Variants in NOL4 observed in about 807,000 individuals in gnomAD.
NOL4 encodes the protein nucleolar protein 4, also known as cancer/testis antigen 125.
Under a neutral mutation model 75.9 loss-of-function variants are expected in NOL4, and 17 were observed. The ratio of observed to expected loss-of-function variants is 0.22; its 90% CI spans 0.15 to 0.34. The LOEUF (loss-of-function observed/expected upper bound fraction) is 0.34, where lower values mean the gene tolerates loss of function less well. Among genes scored for constraint, NOL4 ranks in the 10% least tolerant of loss-of-function variants. NOL4 has a pLI of 1.00. For synonymous variants in NOL4, 292 were observed against 289.9 expected (o/e 1.01, Z -0.07); for missense variants, 614 against 793.5 (o/e 0.77, Z 2.72).
rs142587161 is a variant in NOL4, at chr18:34,180,113, A to T, written c.264+42877T>A. ...GTCTTCCAAAAATTAGAAGAGGGAG[A>T]GGAAACACTTACCAATGCATTCTAT... On this transcript the variant is annotated intron_variant, in intron 1 of 10. Transcript: ENST00000261592. Among the ~76,000 whole-genome samples, 43 of 151,742 alleles carry T rather than the reference A, an allele frequency of 2.8e-4. No individual in the cohort carries two copies. The East Asian group carries it at 7.7e-3, about 27-fold the overall frequency.
intron 1 of NOL4, among the ~76,000 whole-genome samples, chr18:34,133,091 A>G (rs138699077): frequency 0.04 from 6,062 of 151,866 alleles, 132 homozygotes; most frequent in African/African-American, 0.054. Context: ...TGACCAACAT[A>G]GAGAAACTCC....
At chr18:34,149,348 A>T (rs2146073180) in intron 1 of NOL4, among the ~76,000 whole-genome samples, 1 of 151,790 alleles carries the variant, frequency 6.6e-6, no homozygotes, top group East Asian at 1.9e-4. Context: ...GATAAGGGTC[A>T]ATCTTGTGAA....
chr18:34,035,517 GA>G (rs1380948482), intron 5 of NOL4, among the ~76,000 whole-genome samples: 1 of 151,704 alleles, frequency 6.6e-6, no homozygotes, highest in Non-Finnish European at 1.5e-5. Flanking sequence ...AAAGTAGAAA[GA>G]TTTCAAATAA....
chr18:33,892,551 A>G (rs1318427610), intron 9 of NOL4, among the ~76,000 whole-genome samples: 1 of 152,170 alleles, frequency 6.6e-6, no homozygotes, highest in African/African-American at 2.4e-5. Context: ...TCACAAGAAG[A>G]TAATATTAAA....
chr18:34,221,498 A>G (rs2037296619), intron 1 of NOL4: 1 of 152,176 alleles, frequency 6.6e-6, no homozygotes, highest in Non-Finnish European at 1.5e-5. Context: ...TTATTTAGGA[A>G]AGCCAGACAA....
At chr18:33,868,813 A>G (rs1291467695) in intron 10 of NOL4, among the ~76,000 whole-genome samples, 1 of 151,986 alleles carries the variant, frequency 6.6e-6, no homozygotes, top group African/African-American at 2.4e-5. Flanking sequence ...TTAGTGAAGA[A>G]TTAGCTCCTC....
intron 6 of NOL4, among the ~76,000 whole-genome samples, chr18:33,999,807 A>T (rs937176255): frequency 6.6e-6 from 1 of 152,026 alleles, no homozygotes; most frequent in Non-Finnish European, 1.5e-5. Context: ...ATGTACCACT[A>T]TGCCCAGCTA....
chr18:33,980,317 T>G (rs1211353567), intron 6 of NOL4, among the ~76,000 whole-genome samples: 1 of 152,032 alleles, frequency 6.6e-6, no homozygotes, highest in East Asian at 1.9e-4. Flanking sequence ...TAGAACTTAG[T>G]CATAGAGCTG....
Position 33,852,120 on chromosome 18 carries a change from G to A in NOL4, c.*722C>T, listed in dbSNP as rs1220703847. 1 of 152,496 alleles carries A rather than the reference G, an allele frequency of 6.6e-6. No homozygotes were observed. The highest frequency in any genetic ancestry group is 1.5e-5 in the Non-Finnish European group (1 of 68,014). The allele number at this position is 152,496 out of a possible 1,614,324, so 9.4% of individuals were successfully genotyped here. A position where few individuals can be genotyped will look rare whatever the true frequency, so the allele number is the denominator to read the frequency against. ...TTGAGATCAGCATGAGAGCAGAAAT[G>A]CAGGCTTCTCTTGGAAGTAGTTCCT... is the stretch of plus-strand genomic sequence containing the variant. On this transcript the variant is annotated 3_prime_UTR_variant, in exon 11 of 11. Coordinates refer to ENST00000261592, the MANE Select transcript of NOL4 (RefSeq NM_003787.5).
chr18:33,922,456 T>G (rs537630105), intron 9 of NOL4, among the ~76,000 whole-genome samples: 3 of 152,330 alleles, frequency 2.0e-5, no homozygotes, highest in Admixed American at 2.0e-4. Context: ...TAAAGTTATT[T>G]TTTAGGAAAA....
rs1204127427 is a variant in NOL4, at chr18:34,223,687, T to G, written c.-434A>C. The G allele has an allele frequency of 6.2e-6, 1 of 160,186 alleles. No individual in the cohort carries two copies. The highest frequency in any genetic ancestry group is 1.4e-5 in the Non-Finnish European group (1 of 73,362). The allele number at this position is 160,186 out of a possible 1,614,324, so 9.9% of individuals were successfully genotyped here. A position where few individuals can be genotyped will look rare whatever the true frequency, so the allele number is the denominator to read the frequency against. Reference sequence around the variant, plus strand: ...CGGGCTGCGTCCGGGGCTGGGCAGGTGGAGCGCAGCGCCGCCTCCCCGCGC... The same window carrying G: ...CGGGCTGCGTCCGGGGCTGGGCAGGGGGAGCGCAGCGCCGCCTCCCCGCGC... On this transcript the variant is annotated 5_prime_UTR_variant, in exon 1 of 11. Coordinates refer to ENST00000261592, the MANE Select transcript of NOL4 (RefSeq NM_003787.5).
chr18:34,062,019 G>GA, intron 5 of NOL4, among the ~76,000 whole-genome samples: 2 of 151,982 alleles, frequency 1.3e-5, no homozygotes, highest in South Asian at 4.2e-4. Context: ...ACCAAGATAG[G>GA]AAAAAATATA....
intron 4 of NOL4, among the ~76,000 whole-genome samples, chr18:34,102,974 C>T (rs2079110537): frequency 6.6e-6 from 1 of 151,496 alleles, no homozygotes; most frequent in Non-Finnish European, 1.5e-5. Context: ...TGGAGTATAC[C>T]CTGAATAACA....
intron 1 of NOL4, among the ~76,000 whole-genome samples, chr18:34,142,362 C>T (rs991048500): frequency 6.6e-6 from 1 of 152,138 alleles, no homozygotes; most frequent in Non-Finnish European, 1.5e-5. Context: ...AATCATGCTG[C>T]TATAAAGACA....
intron 10 of NOL4, among the ~76,000 whole-genome samples, chr18:33,862,854 T>A (rs1432851026): frequency 2.0e-5 from 3 of 152,186 alleles, no homozygotes; most frequent in African/African-American, 7.2e-5. Context: ...ATTGTGGAAG[T>A]CAGTGTGGTG....
chr18:33,866,048 T>A (rs969110708), intron 10 of NOL4, among the ~76,000 whole-genome samples: 6 of 152,168 alleles, frequency 3.9e-5, no homozygotes, highest in African/African-American at 1.4e-4. Context: ...GAGAACCTTA[T>A]AGACTGTACT....
At position 34,060,088 on chromosome 18, in the gene NOL4, G is replaced by A. The variant is rs143800647; in HGVS notation, c.772+33377C>T. On this transcript the variant is annotated intron_variant, in intron 5 of 10. Coordinates refer to ENST00000261592, the MANE Select transcript of NOL4 (RefSeq NM_003787.5). Reference sequence around the variant, plus strand: ...TCACAGAATCACAAGAGATACTAAAGTGGTTATTGTTTTAAAGGGCTATGC... The same window carrying A: ...TCACAGAATCACAAGAGATACTAAAATGGTTATTGTTTTAAAGGGCTATGC... Among the ~76,000 whole-genome samples, 146 of 152,220 alleles carry A rather than the reference G, an allele frequency of 9.6e-4. 4 individuals carry two copies. In the East Asian group the frequency reaches 0.022, roughly 23 times the overall value.
chr18:34,194,644 T>TC (rs1207781713), intron 1 of NOL4, among the ~76,000 whole-genome samples: 3 of 152,204 alleles, frequency 2.0e-5, no homozygotes, highest in Non-Finnish European at 4.4e-5. Context: ...TACTCATTTT[T>TC]CAAGAGCTAT....
chr18:33,905,360 T>C (rs1345760964), intron 9 of NOL4, among the ~76,000 whole-genome samples: 1 of 152,124 alleles, frequency 6.6e-6, no homozygotes, highest in African/African-American at 2.4e-5. Context: ...TACCCATTCA[T>C]CAGTTAAACT....
Sources: allele counts gnomAD v4.1 joint callset (sites outside exome capture counted in the v4.1 genomes callset), GRCh38; gene constraint gnomAD v4.1.1; transcripts MANE v1.5; gene names NCBI Gene and HGNC (gene_info 2026-07-23, HGNC 2026-07-21).